The following OTC variants were observed in gnomAD, a reference collection of about 807,000 sequenced individuals.
OTC encodes the protein ornithine transcarbamylase.
Under a neutral mutation model 30.3 loss-of-function variants are expected in OTC, and 3 were observed. That is an observed-to-expected ratio of 0.10 (90% CI 0.05 to 0.26). The LOEUF is 0.26. OTC is among the 10% of genes least tolerant of loss of function. OTC has a pLI of 1.00. For missense variants in OTC, 194 were observed against 260.3 expected (o/e 0.75, Z 1.75); for synonymous variants, 111 against 99.7 (o/e 1.11, Z -0.67).
chrX:38,361,636 T>C (rs2068272137), intron 1 of OTC, among the ~76,000 whole-genome samples: 1 of 112,268 alleles, frequency 8.9e-6, no homozygotes, highest in Non-Finnish European at 1.9e-5. Context: ...TACCAAAACA[T>C]AGAAAAGATG....
the OTC span, among the ~76,000 whole-genome samples, chrX:38,331,918 A>G: frequency 1.1e-4 from 12 of 110,744 alleles, no homozygotes; most frequent in East Asian, 2.8e-4. Flanking sequence ...AGAGCTATAT[A>G]ATATATATCG....
intron 4 of OTC, among the ~76,000 whole-genome samples, chrX:38,397,698 G>A (rs751386489): frequency 9.0e-6 from 1 of 111,651 alleles, no homozygotes; most frequent in Non-Finnish European, 1.9e-5. Context: ...ATTACTAAGA[G>A]TTTCTTCCTC....
intron 4 of OTC, among the ~76,000 whole-genome samples, chrX:38,392,357 G>C (rs2068433026): frequency 9.0e-6 from 1 of 111,527 alleles, no homozygotes; most frequent in South Asian, 3.7e-4. Flanking sequence ...GAACCAGAGA[G>C]TATTTTTTTA....
intron 1 of OTC, among the ~76,000 whole-genome samples, chrX:38,361,432 G>A (rs1467412707): frequency 8.9e-6 from 1 of 112,326 alleles, no homozygotes; most frequent in Non-Finnish European, 1.9e-5. Context: ...TACAGCCAGA[G>A]GAACTTAGTG....
chrX:38,363,272 C>T (rs966793670), intron 1 of OTC, among the ~76,000 whole-genome samples: 2 of 111,949 alleles, frequency 1.8e-5, no homozygotes, highest in South Asian at 3.8e-4. Context: ...AAGTATTCTT[C>T]CCCTTTTAAA....
intron 4 of OTC, among the ~76,000 whole-genome samples, chrX:38,399,990 T>G (rs192507400): frequency 9.0e-6 from 1 of 111,493 alleles, no homozygotes; most frequent in East Asian, 2.8e-4. Context: ...ATAAGAAAAA[T>G]AAGGATAAGA....
chrX:38,417,847 A>G (rs751012064), intron 9 of OTC, among the ~76,000 whole-genome samples: 2 of 111,848 alleles, frequency 1.8e-5, no homozygotes, highest in South Asian at 3.8e-4. Flanking sequence ...ATACTATTCC[A>G]TTGGATATAT....
At chrX:38,369,436 C>G (rs1005611869) in intron 2 of OTC, among the ~76,000 whole-genome samples, 1 of 109,962 alleles carries the variant, frequency 9.1e-6, no homozygotes, top group Non-Finnish European at 1.9e-5. Flanking sequence ...CAACCTCCAT[C>G]TCCCAGGTTC....
At chrX:38,393,504 A>G (rs956070848) in intron 4 of OTC, among the ~76,000 whole-genome samples, 3 of 111,923 alleles carry the variant, frequency 2.7e-5, no homozygotes, top group Admixed American at 9.5e-5. Context: ...GACTCTTTAT[A>G]CTTTCTCAGG....
intron 4 of OTC, among the ~76,000 whole-genome samples, chrX:38,398,663 C>T (rs1187619745): frequency 9.0e-6 from 1 of 110,997 alleles, no homozygotes; most frequent in Non-Finnish European, 1.9e-5. Flanking sequence ...ACCAATTCAT[C>T]TGATATAGGG....
At position 38,421,401 on chromosome X, in the gene OTC, A is replaced by C. The variant is rs758765578; in HGVS notation, c.*319A>C. On this transcript the variant is annotated 3_prime_UTR_variant, in exon 10 of 10. Coordinates refer to ENST00000039007, the MANE Select transcript of OTC (RefSeq NM_000531.6). ...ATAATGTATAATGTCTAAGCCATTA[A>C]GTGTAATCTATGCTTATTACCTAAA... The C allele has an allele frequency of 2.9e-4, 69 of 235,731 alleles. No homozygotes were observed. Among genetic ancestry groups the C allele is most frequent in the African/African-American group, 2.0e-3 (68 of 34,761 alleles). The allele number at this position is 235,731 out of a possible 1,213,427, so 19.4% of individuals were successfully genotyped here.
intron 4 of OTC, among the ~76,000 whole-genome samples, chrX:38,386,233 C>T (rs779647197): frequency 1.2e-4 from 13 of 104,921 alleles, no homozygotes; most frequent in Middle Eastern, 5.3e-3. Context: ...ATTAGCCAGG[C>T]GTGGTGGCGT....
At chrX:38,357,194 G>A (rs910769868) in intron 1 of OTC, among the ~76,000 whole-genome samples, 1 of 111,979 alleles carries the variant, frequency 8.9e-6, no homozygotes, top group Admixed American at 9.5e-5. Context: ...CAAGGCCATT[G>A]TTTATTCTTA....
chrX:38,407,200 G>C (rs2068519363), intron 6 of OTC, among the ~76,000 whole-genome samples: 1 of 112,634 alleles, frequency 8.9e-6, no homozygotes. Flanking sequence ...GAGTTGGGCA[G>C]AGGAGGGTCA....
intron 4 of OTC, among the ~76,000 whole-genome samples, chrX:38,394,149 TG>T (rs1230094405): frequency 4.4e-5 from 5 of 112,687 alleles, no homozygotes; most frequent in African/African-American, 1.6e-4. Flanking sequence ...ACCATTATTT[TG>T]TCTACCACAT....
At chrX:38,388,978 G>T (rs11798353) in intron 4 of OTC, among the ~76,000 whole-genome samples, 53 of 111,285 alleles carry the variant, frequency 4.8e-4, no homozygotes, top group African/African-American at 1.6e-3. Flanking sequence ...TCCAAAATCA[G>T]TGTGTCAACA....
intron 9 of OTC, 121 bp downstream of exon 9, chrX:38,412,120 A>G (rs905606413): frequency 5.8e-6 from 4 of 685,679 alleles, no homozygotes; most frequent in Non-Finnish European, 8.7e-6. Flanking sequence ...CTCATGTAAC[A>G]TCTATTTTTT....
In OTC at chrX:38,357,413, G is replaced by A. The variant is rs374799294; in HGVS notation, c.77+4640G>A. On this transcript the variant is annotated intron_variant, in intron 1 of 9. Coordinates refer to ENST00000039007, the MANE Select transcript of OTC (RefSeq NM_000531.6). ...GCCTTAGCTCTTGCATTAATGCAAGGTTAAAGAAACATAAAAATCTCAGCC... is the reference window on the plus strand; with the variant it reads ...GCCTTAGCTCTTGCATTAATGCAAGATTAAAGAAACATAAAAATCTCAGCC... Among the ~76,000 whole-genome samples, 51 of 112,915 alleles carry A rather than the reference G, an allele frequency of 4.5e-4. No homozygotes were observed. In the East Asian group the frequency reaches 6.4e-3, roughly 14 times the overall value.
In OTC at chrX:38,359,949, C is replaced by G. The variant is rs59495475; in HGVS notation, c.77+7176C>G. Among the ~76,000 whole-genome samples, 719 of 97,573 alleles carry G rather than the reference C, an allele frequency of 7.4e-3. 8 individuals carry two copies. Among genetic ancestry groups the G allele is most frequent in the African/African-American group, 0.027 (685 of 25,527 alleles). The allele number at this position is 97,573 out of a possible 115,157, so 84.7% of individuals were successfully genotyped here. A position where few individuals can be genotyped will look rare whatever the true frequency, so the allele number is the denominator to read the frequency against. On this transcript the variant is annotated intron_variant, in intron 1 of 9. Coordinates refer to ENST00000039007, the MANE Select transcript of OTC (RefSeq NM_000531.6). ...TTTTTGTTTTTGAGGCAGAGTTTCG[C>G]TCTTGTCACCCAGGCTAGAGTGCAA...
Sources: gnomAD v4.1 joint callset for allele counts (sites outside exome capture counted in the v4.1 genomes callset) on GRCh38, gnomAD v4.1.1 for gene constraint, MANE v1.5 for transcripts, NCBI Gene and HGNC (gene_info 2026-07-23, HGNC 2026-07-21) for gene names.